The following GALNTL6 variants were observed in gnomAD, a reference collection of about 807,000 sequenced individuals.
GALNTL6 encodes the protein polypeptide N-acetylgalactosaminyltransferase like 6.
Under a neutral mutation model 73.7 loss-of-function variants are expected in GALNTL6, and 46 were observed. That is an observed-to-expected ratio of 0.62 (90% CI 0.49 to 0.80). GALNTL6 has a LOEUF of 0.80. Ranked by LOEUF, GALNTL6 falls within the 30% of genes least tolerant of loss-of-function variation. The pLI, the probability that GALNTL6 is intolerant of heterozygous loss-of-function variation, is 0.00. For missense variants in GALNTL6, 604 were observed against 755.0 expected, an observed-to-expected ratio of 0.80 and a Z score of 2.34; for synonymous variants, 259 against 263.7, an observed-to-expected ratio of 0.98 and a Z score of 0.17.
At chr4:172,638,112 A>G (rs1739780277) in intron 5 of GALNTL6, among the ~76,000 whole-genome samples, 1 of 152,106 alleles carries the variant, frequency 6.6e-6, no homozygotes, top group African/African-American at 2.4e-5. Flanking sequence ...TAACTTCACT[A>G]TTCGCAGAAG....
intron 5 of GALNTL6, among the ~76,000 whole-genome samples, chr4:172,426,188 C>T (rs966423851): frequency 6.6e-6 from 1 of 152,094 alleles, no homozygotes; most frequent in Non-Finnish European, 1.5e-5. Flanking sequence ...TCTTCTTTGT[C>T]TCTATATCAG....
At chr4:172,973,257 A>G (rs1021957500) in intron 10 of GALNTL6, among the ~76,000 whole-genome samples, 1 of 152,250 alleles carries the variant, frequency 6.6e-6, no homozygotes, top group African/African-American at 2.4e-5. Flanking sequence ...TCACTGAATC[A>G]TACACATTCT....
At chr4:172,688,822 G>T (rs1391859729) in intron 5 of GALNTL6, among the ~76,000 whole-genome samples, 1 of 152,090 alleles carries the variant, frequency 6.6e-6, no homozygotes, top group Non-Finnish European at 1.5e-5. Context: ...AGAATCCTAA[G>T]CTGCTCCCTT....
chr4:172,189,629 G>A (rs115956995), intron 2 of GALNTL6, among the ~76,000 whole-genome samples: 1 of 152,052 alleles, frequency 6.6e-6, no homozygotes, highest in East Asian at 1.9e-4. Context: ...TCTTTCATTA[G>A]TCACAGACAT....
At position 172,261,745 on chromosome 4, in the gene GALNTL6, C is replaced by T. The variant is rs118126425; in HGVS notation, c.247+31981C>T. Among the ~76,000 whole-genome samples the T allele has an allele frequency of 4.9e-4, 74 of 151,460 alleles. No individual in the cohort carries two copies. In the East Asian group the frequency reaches 0.014, roughly 29 times the overall value. On this transcript the variant is annotated intron_variant, in intron 3 of 12. Transcript: ENST00000506823. ...TGATGTAGGCAATTAATGCTATGAA[C>T]TTTCCTCTGAGCACTCCTTTTGCTG...
chr4:173,002,774 G>A (rs74864504), intron 10 of GALNTL6, among the ~76,000 whole-genome samples: 2 of 146,110 alleles, frequency 1.4e-5, no homozygotes, highest in Non-Finnish European at 3.0e-5. Flanking sequence ...CAGCCTGGGG[G>A]ACAGAGTGAG....
chr4:171,912,402 T>C (rs1737501467), intron 2 of GALNTL6, among the ~76,000 whole-genome samples: 2 of 152,214 alleles, frequency 1.3e-5, no homozygotes. Flanking sequence ...TGTGTCATCA[T>C]ATTTTCTTAT....
At chr4:172,339,724 G>A (rs1741493992) in intron 4 of GALNTL6, among the ~76,000 whole-genome samples, 1 of 152,158 alleles carries the variant, frequency 6.6e-6, no homozygotes, top group African/African-American at 2.4e-5. Context: ...CCCTTGGCCT[G>A]GACAAATCCC....
intron 5 of GALNTL6, chr4:172,668,398 G>A (rs1579312430): frequency 6.6e-6 from 1 of 152,176 alleles, no homozygotes; most frequent in African/African-American, 2.4e-5. Flanking sequence ...ACTGAGGAGA[G>A]AAGCCACATA....
intron 5 of GALNTL6, among the ~76,000 whole-genome samples, chr4:172,616,513 T>G (rs1738736931): frequency 6.6e-6 from 1 of 151,562 alleles, no homozygotes; most frequent in South Asian, 2.1e-4. Flanking sequence ...AGCAGCAAAG[T>G]TGGCAGAAAA....
intron 5 of GALNTL6, among the ~76,000 whole-genome samples, chr4:172,561,277 A>AC (rs1235127382): frequency 1.3e-5 from 2 of 151,102 alleles, no homozygotes; most frequent in Non-Finnish European, 3.0e-5. Context: ...AAAAAAAAAA[A>AC]AAAAAAAATA....
At position 171,964,859 on chromosome 4, in the gene GALNTL6, C is replaced by G. The variant is rs190289544; in HGVS notation, c.138+150141C>G. Among the ~76,000 whole-genome samples, 52 of 152,338 alleles carry G rather than the reference C, an allele frequency of 3.4e-4. No individual in the cohort carries two copies. The East Asian group carries it at 9.3e-3, about 27-fold the overall frequency. Reference sequence around the variant, plus strand: ...CCATTCCTCTTTCGCAGAGGCAGCCCATACTGATTGGCTGGCCACTGAAGG... The same window carrying G: ...CCATTCCTCTTTCGCAGAGGCAGCCGATACTGATTGGCTGGCCACTGAAGG... On this transcript the variant is annotated intron_variant, in intron 2 of 12. Transcript: ENST00000506823.
intron 12 of GALNTL6, among the ~76,000 whole-genome samples, chr4:173,032,215 C>T (rs931610848): frequency 1.3e-5 from 2 of 152,116 alleles, no homozygotes; most frequent in African/African-American, 2.4e-5. Context: ...TTTGGGAGGC[C>T]GAGGCGGGTG....
intron 5 of GALNTL6, among the ~76,000 whole-genome samples, chr4:172,717,960 TCA>T (rs139602601): frequency 2.2e-4 from 33 of 152,316 alleles, no homozygotes; most frequent in Non-Finnish European, 4.6e-4. Context: ...ATTTACCAGT[TCA>T]GTCACTCAGT....
intron 5 of GALNTL6, among the ~76,000 whole-genome samples, chr4:172,400,515 T>G (rs1743999743): frequency 6.6e-6 from 1 of 152,110 alleles, no homozygotes; most frequent in Non-Finnish European, 1.5e-5. Flanking sequence ...AAAATGCATG[T>G]TAAACTGTAA....
intron 8 of GALNTL6, among the ~76,000 whole-genome samples, chr4:172,921,159 G>A (rs1315578165): frequency 6.6e-6 from 1 of 152,202 alleles, no homozygotes; most frequent in Non-Finnish European, 1.5e-5. Context: ...TTGGGCAGAA[G>A]GAGGGAAGGA....
At position 172,024,321 on chromosome 4, in the gene GALNTL6, A is replaced by G. The variant is rs542517319; in HGVS notation, c.139-205335A>G. 2.6e-5 allele frequency among the ~76,000 whole-genome samples: 4 copies of G among 151,756 alleles called. No homozygotes were observed. The East Asian group carries it at 7.8e-4, about 29-fold the overall frequency. ...ATTCATCTTTCTTATGCTTTGTTTA[A>G]TATATATATACATAATATATTCCCA... is the stretch of plus-strand genomic sequence containing the variant. On this transcript the variant is annotated intron_variant, in intron 2 of 12. Transcript: ENST00000506823.
intron 5 of GALNTL6, among the ~76,000 whole-genome samples, chr4:172,683,738 A>G (rs1054178853): frequency 1.2e-4 from 19 of 152,330 alleles, no homozygotes; most frequent in African/African-American, 4.3e-4. Flanking sequence ...ACATAAATTG[A>G]ACAGAATGAA....
rs549288579 is a variant in GALNTL6 at position 172,327,224 on chromosome 4, T to C, written c.386+15472T>C. ...CATGGTTTTGAGAAATATTTTTTAG[T>C]TTTGATTTTTATATCTATTGTGCTG... On this transcript the variant is annotated intron_variant, in intron 4 of 12. Coordinates refer to ENST00000506823, the MANE Select transcript of GALNTL6 (RefSeq NM_001034845.3). Among the ~76,000 whole-genome samples the C allele has an allele frequency of 1.6e-4, 24 of 152,242 alleles. 1 individual carries two copies. In the South Asian group the frequency reaches 4.6e-3, roughly 29 times the overall value.
Sources: allele counts gnomAD v4.1 joint callset (sites outside exome capture counted in the v4.1 genomes callset), GRCh38; gene constraint gnomAD v4.1.1; transcripts MANE v1.5; gene names NCBI Gene and HGNC (gene_info 2026-07-23, HGNC 2026-07-21).